Variants in CPSF6 observed in about 807,000 individuals in gnomAD.
CPSF6 encodes the protein cleavage and polyadenylation specific factor 6, also known as cleavage and polyadenylation specificity factor subunit 6.
Under a neutral mutation model 56.7 loss-of-function variants are expected in CPSF6, and 10 were observed. The observed-to-expected ratio is 0.18, with a 90% CI of 0.11 to 0.30. The LOEUF is 0.30. CPSF6 is among the 10% of genes least tolerant of loss of function. The pLI is 1.00. For synonymous variants in CPSF6, 248 were observed against 244.8 expected (o/e 1.01, Z -0.12); for missense variants, 419 against 722.9 (o/e 0.58, Z 4.82).
chr12:69,252,809 T>C (rs528635737), intron 2 of CPSF6, among the ~76,000 whole-genome samples: 25 of 152,206 alleles, frequency 1.6e-4, no homozygotes, highest in Non-Finnish European at 2.9e-4. Flanking sequence ...TCAAATCTTA[T>C]TGTAACCCCA....
At chr12:69,267,913 GACAC>G (rs1873069755) in intron 9 of CPSF6, among the ~76,000 whole-genome samples, 1 of 151,926 alleles carries the variant, frequency 6.6e-6, no homozygotes, top group South Asian at 2.1e-4. Context: ...GAGTGATAAT[GACAC>G]AAAGATGCAG....
intron 9 of CPSF6, 147 bp downstream of exon 9, chr12:69,262,709 T>C: frequency 9.6e-7 from 1 of 1,044,408 alleles, no homozygotes; most frequent in Non-Finnish European, 1.3e-6. Flanking sequence ...TGAAACAAAT[T>C]ATAGGTAAGT....
chr12:69,243,534 A>C (rs990836649), intron 1 of CPSF6, among the ~76,000 whole-genome samples: 3 of 152,222 alleles, frequency 2.0e-5, no homozygotes, highest in Non-Finnish European at 2.9e-5. Context: ...CTTGTACAAC[A>C]TATTACTGTA....
At position 69,262,457 on chromosome 12, in the gene CPSF6, C is replaced by T. The variant is rs150347597; in HGVS notation, c.1554C>T (p.Asp518=). 3.2e-4 allele frequency: 518 copies of T among 1,613,790 alleles called. 3 individuals are homozygous for T. In the African/African-American group the frequency reaches 6.0e-3, roughly 19 times the overall value. ...AATCCCGTAGTAGAGACCGTCATGACGATTATTACAGAGAGAGAAGCAGAG... is the reference window on the plus strand; with the variant it reads ...AATCCCGTAGTAGAGACCGTCATGATGATTATTACAGAGAGAGAAGCAGAG... ...RHKSRSRDRH[D]DYYRERSRER... is the part of the protein sequence containing the mutation. Residue 518 remains aspartate (D), a synonymous_variant, in exon 9 of 10, where the codon GAC becomes GAT. Coordinates refer to ENST00000435070, the MANE Select transcript of CPSF6 (RefSeq NM_007007.3).
chr12:69,258,777 T>A lies in CPSF6; in HGVS notation c.882T>A (p.Pro294=). 1 of 1,614,048 alleles carries A rather than the reference T, an allele frequency of 6.2e-7. No individual in the cohort carries two copies. Among genetic ancestry groups the A allele is most frequent in the Middle Eastern group, 1.7e-4 (1 of 6,060 alleles). The change falls in exon 6 of 10, where the codon CCT becomes CCA. Residue 294 remains proline (P), a synonymous_variant. Transcript: ENST00000435070. The surrounding 1 kb of genome is among the most constrained non-coding windows in gnomAD (Gnocchi z 4.2). ...FGQPPLGPLP[P]GPPPPVPGYG... ...AGCCTCCATTGGGTCCACTTCCTCC[T>A]GGCCCTCCACCTCCAGTTCCAGGCT...
At chr12:69,248,359 G>A (rs1053334237) in intron 1 of CPSF6, among the ~76,000 whole-genome samples, 2 of 152,062 alleles carry the variant, frequency 1.3e-5, no homozygotes, top group Non-Finnish European at 2.9e-5. Context: ...TGTGATTATA[G>A]TTTCTGCTGA....
Position 69,273,799 on chromosome 12 carries a change from G to C in CPSF6, c.*4291G>C, listed in dbSNP as rs761728918. On this transcript the variant is annotated 3_prime_UTR_variant, in exon 10 of 10. Transcript: ENST00000435070. ...TTTTAAGGAATGCATCTATAACATTGATAACTTTAGCCTTAAAAAAAAGGT... is the reference window on the plus strand; with the variant it reads ...TTTTAAGGAATGCATCTATAACATTCATAACTTTAGCCTTAAAAAAAAGGT... The C allele has an allele frequency of 2.0e-5, 3 of 151,694 alleles. No individual in the cohort carries two copies. Among genetic ancestry groups the C allele is most frequent in the Non-Finnish European group, 4.4e-5 (3 of 67,790 alleles). The allele number at this position is 151,694 out of a possible 1,614,324, so 9.4% of individuals were successfully genotyped here. A position where few individuals can be genotyped will look rare whatever the true frequency, so the allele number is the denominator to read the frequency against.
At position 69,258,081 on chromosome 12, in the gene CPSF6, G is replaced by T; in HGVS notation, c.694+176G>T. The T allele has an allele frequency of 6.5e-7, 1 of 1,536,946 alleles. No homozygotes were observed. Among genetic ancestry groups the T allele is most frequent in the South Asian group, 1.2e-5 (1 of 84,084 alleles). On this transcript the variant is annotated intron_variant, in intron 5 of 9. Transcript: ENST00000435070. The surrounding 1 kb of genome is among the most constrained non-coding windows in gnomAD (Gnocchi z 4.2). The stretch of plus-strand genomic sequence containing the variant: ...TTAAAGGAACTCGGCCTTTGTTCCT[G>T]GAAACTAGGATTCCATGGCATATGG...
chr12:69,244,141 G>T lies in CPSF6; in HGVS notation c.60+4435G>T, dbSNP rs964190357. On this transcript the variant is annotated intron_variant, in intron 1 of 9. Coordinates refer to ENST00000435070, the MANE Select transcript of CPSF6 (RefSeq NM_007007.3). ...GGCCCGTTTTTACTTTATAAATTTG[G>T]ACTCTTCAATAATAACAGTTTAAAA... Among the ~76,000 whole-genome samples, 3 of 152,036 alleles carry T rather than the reference G, an allele frequency of 2.0e-5. No individual in the cohort carries two copies. In the East Asian group the frequency reaches 5.8e-4, roughly 29 times the overall value.
chr12:69,241,471 A>G (rs1255642416), intron 1 of CPSF6, among the ~76,000 whole-genome samples: 5 of 152,228 alleles, frequency 3.3e-5, no homozygotes, highest in Non-Finnish European at 7.3e-5. Context: ...AAGATAATAC[A>G]TTGGTTCACC....
chr12:69,262,299 T>TA, intron 8 of CPSF6, 74 bp from the exon 9 acceptor site: 1 of 1,434,000 alleles, frequency 7.0e-7, no homozygotes, highest in South Asian at 1.8e-5. Context: ...TAAGTTTTTT[T>TA]AGACATCAAA....
At position 69,273,271 on chromosome 12, in the gene CPSF6, T is replaced by C. The variant is rs1873339341; in HGVS notation, c.*3763T>C. 1 of 404,328 alleles carries C rather than the reference T, an allele frequency of 2.5e-6. No homozygotes were observed. Among genetic ancestry groups the C allele is most frequent in the South Asian group, 1.9e-5 (1 of 51,786 alleles). 25.0% of individuals were successfully genotyped at this position (404,328 alleles called of 1,614,324 possible). A position where few individuals can be genotyped will look rare whatever the true frequency, so the allele number is the denominator to read the frequency against. ...ATTGATTTAGGTTTGTCTTAACCAA[T>C]GTTCTTTTTTTAGAATTTCAGGTTG... On this transcript the variant is annotated 3_prime_UTR_variant, in exon 10 of 10. Coordinates refer to ENST00000435070, the MANE Select transcript of CPSF6 (RefSeq NM_007007.3).
Position 69,273,585 on chromosome 12 carries a change from G to A in CPSF6, c.*4077G>A, listed in dbSNP as rs991400566. 1 of 152,008 alleles carries A rather than the reference G, an allele frequency of 6.6e-6. No individual in the cohort carries two copies. Among genetic ancestry groups the A allele is most frequent in the Non-Finnish European group, 1.5e-5 (1 of 67,924 alleles). 9.4% of individuals were successfully genotyped at this position (152,008 alleles called of 1,614,324 possible). On this transcript the variant is annotated 3_prime_UTR_variant, in exon 10 of 10. Transcript: ENST00000435070. ...TAATTGGACAGACCCTGCATTTAGC[G>A]AAAACATTTTGTTTTGAAAGTGTGT...
intron 1 of CPSF6, among the ~76,000 whole-genome samples, chr12:69,240,646 T>C (rs1320745958): frequency 6.6e-6 from 1 of 152,112 alleles, no homozygotes; most frequent in Non-Finnish European, 1.5e-5. Context: ...TAAAGAGTTA[T>C]AGATAAGACC....
intron 1 of CPSF6, among the ~76,000 whole-genome samples, chr12:69,250,327 G>A (rs1281963958): frequency 6.6e-6 from 1 of 151,728 alleles, no homozygotes; most frequent in Non-Finnish European, 1.5e-5. Context: ...TTGTCTATTT[G>A]CATTTGTGTG....
chr12:69,258,044 T>A lies in CPSF6; in HGVS notation c.694+139T>A, dbSNP rs1331370531. On this transcript the variant is annotated intron_variant, in intron 5 of 9. Transcript: ENST00000435070. The surrounding 1 kb of genome is among the most constrained non-coding windows in gnomAD (Gnocchi z 4.2). ...TATTTTTGGAATCCAGGAAATTTGA[T>A]CAAGCATCTTGTTAAAGGAACTCGG... The A allele has an allele frequency of 6.5e-7, 1 of 1,540,332 alleles. No individual in the cohort carries two copies.
chr12:69,255,574 C>T (rs1565646732), intron 3 of CPSF6, among the ~76,000 whole-genome samples: 2 of 152,210 alleles, frequency 1.3e-5, no homozygotes, highest in Admixed American at 1.3e-4. Context: ...CAGAGTCTCA[C>T]TCTGTCACCC....
In CPSF6 at chr12:69,258,482, A is replaced by C; in HGVS notation, c.695-108A>C. On this transcript the variant is annotated intron_variant, in intron 5 of 9. Transcript: ENST00000435070. The surrounding 1 kb of genome is among the most constrained non-coding windows in gnomAD (Gnocchi z 4.2). ...CCATACGGGTTTAATTTAAAGACAA[A>C]GACTTGGTGTATGCTCTATGCGTTT... is the stretch of plus-strand genomic sequence containing the variant. 2 of 1,140,422 alleles carry C rather than the reference A, an allele frequency of 1.8e-6. No homozygotes were observed. The highest frequency in any genetic ancestry group is 2.4e-6 in the Non-Finnish European group (2 of 826,458). 70.6% of individuals were successfully genotyped at this position (1,140,422 alleles called of 1,614,324 possible). A position where few individuals can be genotyped will look rare whatever the true frequency, so the allele number is the denominator to read the frequency against.
At chr12:69,255,656 C>CT (rs1350497711) in intron 3 of CPSF6, among the ~76,000 whole-genome samples, 14 of 152,124 alleles carry the variant, frequency 9.2e-5, no homozygotes, top group Admixed American at 7.9e-4. Context: ...ATTCTCCTGT[C>CT]TCAGCCTCCC....
Sources: allele counts gnomAD v4.1 joint callset (sites outside exome capture counted in the v4.1 genomes callset), GRCh38; gene constraint gnomAD v4.1.1; non-coding constraint Gnocchi (gnomAD v3.1); transcripts MANE v1.5; gene names NCBI Gene and HGNC (gene_info 2026-07-23, HGNC 2026-07-21).